The following GALNT13 variants were observed in gnomAD, a reference collection of about 807,000 sequenced individuals.
GALNT13 encodes the protein UDP-GalNAc:polypeptide N-acetylgalactosaminyltransferase 13.
Under a neutral mutation model 64.2 loss-of-function variants are expected in GALNT13, and 28 were observed. The observed-to-expected ratio is 0.44, with a 90% CI of 0.32 to 0.60. GALNT13 has a LOEUF of 0.60. Ranked by LOEUF, GALNT13 falls within the 20% of genes least tolerant of loss-of-function variation. The pLI, the probability that GALNT13 is intolerant of heterozygous loss-of-function variation, is 0.05. For missense variants in GALNT13, 577 were observed against 669.8 expected, an observed-to-expected ratio of 0.86 and a Z score of 1.53; for synonymous variants, 214 against 224.6, an observed-to-expected ratio of 0.95 and a Z score of 0.42.
chr2:153,786,895 G>A, the GALNT13 span, among the ~76,000 whole-genome samples: 4 of 152,052 alleles, frequency 2.6e-5, no homozygotes, highest in Non-Finnish European at 4.4e-5. Flanking sequence ...ATCTTCCATG[G>A]GTAACACCCA....
the GALNT13 span, among the ~76,000 whole-genome samples, chr2:153,691,003 C>A: frequency 6.6e-6 from 1 of 152,084 alleles, no homozygotes; most frequent in African/African-American, 2.4e-5. Context: ...AATGGGTAGA[C>A]CAGACTTGAA....
the GALNT13 span, among the ~76,000 whole-genome samples, chr2:153,306,641 T>C: frequency 6.6e-6 from 1 of 152,348 alleles, no homozygotes; most frequent in African/African-American, 2.4e-5. Context: ...GGCATTCCTA[T>C]ACCCTATATG....
At chr2:153,423,556 C>G in the GALNT13 span, 1 of 151,764 alleles carries the variant, frequency 6.6e-6, no homozygotes, top group African/African-American at 2.4e-5. Flanking sequence ...AAACTGTCAT[C>G]ATTTGCAAAG....
the GALNT13 span, among the ~76,000 whole-genome samples, chr2:153,093,749 T>C: frequency 6.6e-6 from 1 of 152,178 alleles, no homozygotes; most frequent in African/African-American, 2.4e-5. Context: ...TTGAGTAGGA[T>C]TGATGTTAGT....
the GALNT13 span, among the ~76,000 whole-genome samples, chr2:153,139,327 A>G: frequency 2.6e-5 from 4 of 152,000 alleles, no homozygotes; most frequent in Non-Finnish European, 5.9e-5. Context: ...TGAGCTCCTG[A>G]TTTATGCAAG....
the GALNT13 span, among the ~76,000 whole-genome samples, chr2:153,774,493 G>A: frequency 6.6e-6 from 1 of 152,162 alleles, no homozygotes; most frequent in African/African-American, 2.4e-5. Flanking sequence ...GAGTTTAGTT[G>A]ATTCATCAAA....
At chr2:154,276,774 G>T (rs1350560684) in intron 8 of GALNT13, among the ~76,000 whole-genome samples, 1 of 152,152 alleles carries the variant, frequency 6.6e-6, no homozygotes, top group Non-Finnish European at 1.5e-5. Context: ...TAATCATGGG[G>T]GTGGTTAGTT....
At chr2:153,586,325 CAT>C in the GALNT13 span, among the ~76,000 whole-genome samples, 1 of 151,932 alleles carries the variant, frequency 6.6e-6, no homozygotes, top group African/African-American at 2.4e-5. Flanking sequence ...TATAAAGACA[CAT>C]ATAGATTGAA....
At chr2:154,119,997 A>G (rs574192217) in intron 3 of GALNT13, among the ~76,000 whole-genome samples, 1 of 152,162 alleles carries the variant, frequency 6.6e-6, no homozygotes, top group African/African-American at 2.4e-5. Context: ...CTAATTCCTC[A>G]TAATTCTTGT....
At chr2:154,408,318 A>G (rs1699644520) in intron 10 of GALNT13, among the ~76,000 whole-genome samples, 1 of 152,098 alleles carries the variant, frequency 6.6e-6, no homozygotes, top group Non-Finnish European at 1.5e-5. Context: ...TAAACCAAGA[A>G]CTTTATGTCT....
the GALNT13 span, among the ~76,000 whole-genome samples, chr2:153,540,116 G>A: frequency 6.6e-6 from 1 of 152,212 alleles, no homozygotes; most frequent in African/African-American, 2.4e-5. Context: ...AGGCCTACGA[G>A]GAATAAATCG....
the GALNT13 span, among the ~76,000 whole-genome samples, chr2:153,644,364 G>A: frequency 3.3e-5 from 5 of 151,918 alleles, no homozygotes; most frequent in African/African-American, 1.2e-4. Context: ...GCATTCTTAT[G>A]TGGCCCTTTC....
chr2:153,387,207 A>C, the GALNT13 span, among the ~76,000 whole-genome samples: 1 of 152,250 alleles, frequency 6.6e-6, no homozygotes, highest in South Asian at 2.1e-4. Flanking sequence ...GTGAAACTCT[A>C]TGAAGATCTA....
chr2:154,064,395 G>C (rs952724427), intron 3 of GALNT13, among the ~76,000 whole-genome samples: 18 of 152,264 alleles, frequency 1.2e-4, no homozygotes, highest in Admixed American at 2.6e-4. Flanking sequence ...TGAGACACTA[G>C]CCAGGGTGGC....
chr2:153,174,148 C>T, the GALNT13 span, among the ~76,000 whole-genome samples: 1 of 152,188 alleles, frequency 6.6e-6, no homozygotes, highest in Non-Finnish European at 1.5e-5. Flanking sequence ...GGGTGCTATG[C>T]CCTGGGCCTG....
chr2:153,627,343 G>A, the GALNT13 span, among the ~76,000 whole-genome samples: 40 of 152,028 alleles, frequency 2.6e-4, no homozygotes, highest in African/African-American at 9.2e-4. Flanking sequence ...TTCCTTGCAT[G>A]TGAAAACATC....
chr2:154,097,041 C>T (rs1702108653), intron 3 of GALNT13, among the ~76,000 whole-genome samples: 2 of 151,698 alleles, frequency 1.3e-5, no homozygotes, highest in Non-Finnish European at 2.9e-5. Flanking sequence ...TATTTTAAAG[C>T]CTTAAAAGAC....
intron 4 of GALNT13, among the ~76,000 whole-genome samples, chr2:154,165,239 T>C (rs961508627): frequency 6.6e-6 from 1 of 152,176 alleles, no homozygotes; most frequent in African/African-American, 2.4e-5. Flanking sequence ...ATATTTTTCC[T>C]TGGGGAACTT....
At chr2:154,190,336 T>A (rs977523732) in intron 4 of GALNT13, among the ~76,000 whole-genome samples, 1 of 152,186 alleles carries the variant, frequency 6.6e-6, no homozygotes, top group African/African-American at 2.4e-5. Context: ...GGAAAATATG[T>A]CTCTGTGAAC....
Sources: gnomAD v4.1 joint callset for allele counts (sites outside exome capture counted in the v4.1 genomes callset) on GRCh38, gnomAD v4.1.1 for gene constraint, MANE v1.5 for transcripts, NCBI Gene and HGNC (gene_info 2026-07-23, HGNC 2026-07-21) for gene names.